FGR: variants seen among roughly 807,000 people sequenced by gnomAD.
FGR encodes tyrosine-protein kinase Fgr.
FGR carries 26 observed loss-of-function variants against 63.2 expected under a neutral mutation model. The observed-to-expected ratio is 0.41, with a 90% confidence interval of 0.30 to 0.57. The LOEUF is 0.57. Ranked by LOEUF, FGR falls within the 20% of genes least tolerant of loss-of-function variation. FGR has a pLI of 0.27. For synonymous variants in FGR, 286 were observed against 277.7 expected (o/e 1.03, Z -0.30); for missense variants, 511 against 690.8 (o/e 0.74, Z 2.92).
In FGR at chr1:27,614,425, G is replaced by A. The variant is rs775661836; in HGVS notation, c.1249+5C>T. ...GCTCTTGGAAGGTGGGGTGAAGCAGGGCACCTTGGCAGGGGTTGTACTCAT... is the reference window on the plus strand; with the variant it reads ...GCTCTTGGAAGGTGGGGTGAAGCAGAGCACCTTGGCAGGGGTTGTACTCAT... On this transcript the variant is annotated splice_donor_5th_base_variant and intron_variant, in intron 11 of 12. Coordinates refer to ENST00000374005, the MANE Select transcript of FGR (RefSeq NM_005248.3). 7 of 1,610,232 alleles carry A rather than the reference G, an allele frequency of 4.3e-6. No homozygotes were observed. The East Asian group carries it at 1.6e-4, about 36-fold the overall frequency.
In FGR at chr1:27,614,485, G is replaced by A. The variant is rs1159980745; in HGVS notation, c.1194C>T (p.Ile398=). The change falls in exon 11 of 13, where the codon ATC becomes ATT. Residue 398 remains isoleucine, a synonymous_variant. Coordinates refer to ENST00000374005, the MANE Select transcript of FGR (RefSeq NM_005248.3). The part of the protein sequence containing the change: ...ILVGERLACK[I]ADFGLARLIK... ...TGAGACGCGCCAAGCCAAAGTCTGC[G>A]ATCTTGCACGCCAGCCGCTCCCCAA... 3.1e-6 allele frequency: 5 copies of A among 1,613,690 alleles called. No homozygotes were observed. Among genetic ancestry groups the A allele is most frequent in the East Asian group, 2.2e-5 (1 of 44,880 alleles).
At chr1:27,622,343 C>A (rs1440703080) in intron 4 of FGR, among the ~76,000 whole-genome samples, 1 of 150,964 alleles carries the variant, frequency 6.6e-6, no homozygotes, top group Non-Finnish European at 1.5e-5. Context: ...ACCTCTCTAG[C>A]CTCTGTTCTC....
rs2089819550 is a variant in FGR, at chr1:27,616,765, T to A, written c.682+92A>T. 2.1e-6 allele frequency: 3 copies of A among 1,415,214 alleles called. No homozygotes were observed. The highest frequency in any genetic ancestry group is 3.4e-5 in the Admixed American group (2 of 58,490). 87.7% of individuals were successfully genotyped at this position (1,415,214 alleles called of 1,614,324 possible). ...CTGGTTTCCGTCTGGCCAATACTGCTTGGTAGTCCCTTCCCTTCTCTGGGC... is the reference window on the plus strand; with the variant it reads ...CTGGTTTCCGTCTGGCCAATACTGCATGGTAGTCCCTTCCCTTCTCTGGGC... On this transcript the variant is annotated intron_variant, in intron 7 of 12. Coordinates refer to ENST00000374005, the MANE Select transcript of FGR (RefSeq NM_005248.3). The surrounding 1 kb of genome is among the most constrained non-coding windows in gnomAD (Gnocchi z 4.3).
chr1:27,626,511 G>C (rs141303353), intron 1 of FGR: 1 of 263,546 alleles, frequency 3.8e-6, no homozygotes, highest in Admixed American at 5.4e-5. Context: ...CTGGCTGATG[G>C]TTCCGTCACA....
At chr1:27,623,620 C>T (rs371971160) in intron 3 of FGR, 71 bp downstream of exon 3, 35 of 1,510,186 alleles carry the variant, frequency 2.3e-5, no homozygotes, top group Middle Eastern at 1.7e-4. Flanking sequence ...AGGGCAAGTT[C>T]GCATCTCTTC....
At chr1:27,625,475 C>G (rs1001535055) in intron 1 of FGR, among the ~76,000 whole-genome samples, 21 of 152,234 alleles carry the variant, frequency 1.4e-4, no homozygotes, top group African/African-American at 4.6e-4. Context: ...CAAGCCCAAG[C>G]TCACAATAGC....
intron 1 of FGR, among the ~76,000 whole-genome samples, chr1:27,633,842 T>C (rs2090140117): frequency 6.6e-6 from 1 of 152,116 alleles, no homozygotes; most frequent in South Asian, 2.1e-4. Flanking sequence ...CCTTAACCCT[T>C]CAGGACACTC....
At chr1:27,622,234 A>T (rs1172130297) in intron 4 of FGR, among the ~76,000 whole-genome samples, 2 of 147,786 alleles carry the variant, frequency 1.4e-5, no homozygotes, top group Non-Finnish European at 3.0e-5. Flanking sequence ...GGTTACAGTG[A>T]GCCAAGATTG....
chr1:27,634,257 G>C (rs1341570195), intron 1 of FGR, among the ~76,000 whole-genome samples: 1 of 152,212 alleles, frequency 6.6e-6, no homozygotes. Flanking sequence ...CGTCGGGGCG[G>C]CAGCAATTCC....
intron 4 of FGR, 28 bp downstream of exon 4, chr1:27,623,014 G>A (rs369012025): frequency 1.3e-6 from 2 of 1,516,992 alleles, no homozygotes; most frequent in African/African-American, 2.7e-5. Flanking sequence ...CCCAGGCAAT[G>A]TTCTGACTAG....
chr1:27,624,785 A>T (rs918399010), intron 2 of FGR, among the ~76,000 whole-genome samples: 12 of 151,620 alleles, frequency 7.9e-5, no homozygotes, highest in African/African-American at 2.2e-4. Flanking sequence ...GTGTGGGAGC[A>T]GTGTGCCTGT....
chr1:27,617,124 C>T lies in FGR; in HGVS notation c.532+69G>A, dbSNP rs1003122067. On this transcript the variant is annotated intron_variant, in intron 6 of 12. Transcript: ENST00000374005. This position sits in a 1 kb window ranked among gnomAD's most constrained non-coding sequence, Gnocchi z 4.5. The stretch of plus-strand genomic sequence containing the variant: ...CCAGTCTTGGCCTTAACCCAAGCAG[C>T]CTACCGCTCCTAGCCCTACCCCAAT... The T allele has an allele frequency of 3.1e-6, 5 of 1,595,570 alleles. No homozygotes were observed. The highest frequency in any genetic ancestry group is 1.3e-5 in the African/African-American group (1 of 74,598).
chr1:27,614,964 C>G, intron 9 of FGR, 38 bp from the exon 10 acceptor site: 1 of 1,537,902 alleles, frequency 6.5e-7, no homozygotes, highest in South Asian at 1.2e-5. Flanking sequence ...AAAGCCCTAC[C>G]CCGGGCCCCA....
intron 4 of FGR, among the ~76,000 whole-genome samples, chr1:27,622,264 G>A (rs906649139): frequency 4.1e-5 from 6 of 146,984 alleles, no homozygotes; most frequent in African/African-American, 1.0e-4. Flanking sequence ...ACTCCAGCCC[G>A]GGAGACAGAG....
Position 27,627,292 on chromosome 1 carries a change from C to A in FGR, c.-76-2141G>T, listed in dbSNP as rs140545817. On this transcript the variant is annotated intron_variant, in intron 1 of 12. Coordinates refer to ENST00000374005, the MANE Select transcript of FGR (RefSeq NM_005248.3). ...CCCAGATCCACACAGCCCTTCAGAC[C>A]CCTTCTCAGTTGGCACATTACCTCA... 2.0e-3 allele frequency among the ~76,000 whole-genome samples: 304 copies of A among 152,192 alleles called. 2 individuals carry two copies. Among genetic ancestry groups the A allele is most frequent in the Non-Finnish European group, 3.9e-3 (266 of 68,014 alleles).
In FGR at chr1:27,621,675, G is replaced by C. The variant is rs367959508; in HGVS notation, c.330-18C>G. 5.6e-5 allele frequency: 90 copies of C among 1,598,184 alleles called. No individual in the cohort carries two copies. The highest frequency in any genetic ancestry group is 3.3e-4 in the Middle Eastern group (2 of 6,056). On this transcript the variant is annotated intron_variant, in intron 4 of 12. Coordinates refer to ENST00000374005, the MANE Select transcript of FGR (RefSeq NM_005248.3). Reference sequence around the variant, plus strand: ...CACCTTCACTGTAGGCACAGAACAGGGCATGGTCAGCAGCACCTCCAGCCC... The same window carrying C: ...CACCTTCACTGTAGGCACAGAACAGCGCATGGTCAGCAGCACCTCCAGCCC...
chr1:27,625,821 C>T (rs781377820), intron 1 of FGR, among the ~76,000 whole-genome samples: 3 of 152,198 alleles, frequency 2.0e-5, no homozygotes, highest in Non-Finnish European at 4.4e-5. Flanking sequence ...CGCCTGTAGT[C>T]CCAGCTACTT....
intron 1 of FGR, among the ~76,000 whole-genome samples, chr1:27,631,579 A>G (rs575885451): frequency 1.1e-4 from 17 of 152,246 alleles, no homozygotes; most frequent in African/African-American, 4.1e-4. Flanking sequence ...TAAGAATACA[A>G]ATGTCCACCT....
intron 10 of FGR, 22 bp downstream of exon 10, chr1:27,614,828 T>C: frequency 6.4e-7 from 1 of 1,571,096 alleles, no homozygotes; most frequent in African/African-American, 1.4e-5. Flanking sequence ...GTCCGGGAGG[T>C]AAAGGCTGCT....
Sources: gnomAD v4.1 joint callset for allele counts (sites outside exome capture counted in the v4.1 genomes callset) on GRCh38, gnomAD v4.1.1 for gene constraint, Gnocchi (gnomAD v3.1) non-coding constraint, MANE v1.5 for transcripts, NCBI Gene and HGNC (gene_info 2026-07-23, HGNC 2026-07-21) for gene names.